FBXL7: variants seen among roughly 807,000 people sequenced by gnomAD.
The protein encoded by FBXL7 is F-box/LRR-repeat protein 7.
A neutral mutation model predicts 38.3 loss-of-function variants in FBXL7; 12 were observed. The observed-to-expected ratio is 0.31, with a 90% CI of 0.20 to 0.51. The LOEUF is 0.51. Ranked by LOEUF, FBXL7 falls within the 20% of genes least tolerant of loss-of-function variation. The pLI is 0.98. For missense variants in FBXL7, 567 were observed against 676.4 expected, an observed-to-expected ratio of 0.84 and a Z score of 1.79; for synonymous variants, 297 against 300.9, an observed-to-expected ratio of 0.99 and a Z score of 0.13.
intron 2 of FBXL7, among the ~76,000 whole-genome samples, chr5:15,683,397 A>T (rs1415383558): frequency 6.6e-6 from 1 of 152,058 alleles, no homozygotes. Context: ...GAGTCACCTA[A>T]CCCTGCTGGG....
intron 2 of FBXL7, among the ~76,000 whole-genome samples, chr5:15,906,621 G>A (rs1233483589): frequency 7.7e-6 from 1 of 130,692 alleles, no homozygotes; most frequent in Non-Finnish European, 1.6e-5. Context: ...ACCCACTAAT[G>A]TGTCATCTAG....
At chr5:15,661,796 C>A (rs1429887372) in intron 2 of FBXL7, among the ~76,000 whole-genome samples, 1 of 152,164 alleles carries the variant, frequency 6.6e-6, no homozygotes, top group Admixed American at 6.5e-5. Context: ...GATTTCTGTT[C>A]CTTCATTAGT....
chr5:15,800,731 A>G (rs1266972270), intron 2 of FBXL7, among the ~76,000 whole-genome samples: 2 of 152,228 alleles, frequency 1.3e-5, no homozygotes, highest in East Asian at 3.8e-4. Flanking sequence ...AGGTGCATAT[A>G]GACCACTGGA....
intron 2 of FBXL7, among the ~76,000 whole-genome samples, chr5:15,627,794 C>T (rs760628405): frequency 1.3e-5 from 2 of 152,146 alleles, no homozygotes; most frequent in Non-Finnish European, 2.9e-5. Context: ...CAGTCACGGA[C>T]ACAGTTTGAC....
At chr5:15,531,016 C>G (rs139032051) in intron 1 of FBXL7, among the ~76,000 whole-genome samples, 3 of 152,154 alleles carry the variant, frequency 2.0e-5, no homozygotes, top group African/African-American at 7.2e-5. Context: ...GTCTTAGGCA[C>G]AGATATGCCG....
chr5:15,898,601 A>G (rs1321056756), intron 2 of FBXL7, among the ~76,000 whole-genome samples: 2 of 152,234 alleles, frequency 1.3e-5, no homozygotes, highest in Non-Finnish European at 2.9e-5. Flanking sequence ...AGAAATGTGA[A>G]AAGTGCTTTT....
chr5:15,618,890 C>T (rs901068821), intron 2 of FBXL7, among the ~76,000 whole-genome samples: 4 of 152,082 alleles, frequency 2.6e-5, no homozygotes, highest in Non-Finnish European at 4.4e-5. Flanking sequence ...GAAACCGAGG[C>T]AAGTTTCAGA....
chr5:15,689,272 T>G (rs566780293), intron 2 of FBXL7, among the ~76,000 whole-genome samples: 64 of 152,058 alleles, frequency 4.2e-4, no homozygotes, highest in African/African-American at 1.5e-3. Context: ...TTTCAGTTTT[T>G]TTTTTTTTTT....
intron 2 of FBXL7, 90 bp from the exon 3 acceptor site, chr5:15,927,800 A>AT: frequency 7.2e-6 from 7 of 970,582 alleles, no homozygotes; most frequent in Non-Finnish European, 8.3e-6. Flanking sequence ...AGAAGAAAGA[A>AT]AAGAAAAGAA....
chr5:15,871,332 C>T (rs996891778), intron 2 of FBXL7, among the ~76,000 whole-genome samples: 1 of 151,132 alleles, frequency 6.6e-6, no homozygotes, highest in African/African-American at 2.4e-5. Flanking sequence ...GATAAATCCA[C>T]GAAGATGAGG....
chr5:15,666,799 C>A (rs1369841062), intron 2 of FBXL7, among the ~76,000 whole-genome samples: 2 of 152,144 alleles, frequency 1.3e-5, no homozygotes, highest in Non-Finnish European at 2.9e-5. Context: ...CCTCCGTTTT[C>A]AAATGGTGGC....
At chr5:15,574,198 G>T (rs938433528) in intron 1 of FBXL7, among the ~76,000 whole-genome samples, 7 of 152,278 alleles carry the variant, frequency 4.6e-5, no homozygotes, top group Middle Eastern at 3.4e-3. Flanking sequence ...CTTTATGAAT[G>T]AATAAACTCT....
chr5:15,523,076 C>CCA (rs1176341285), intron 1 of FBXL7, among the ~76,000 whole-genome samples: 1 of 152,200 alleles, frequency 6.6e-6, no homozygotes, highest in Non-Finnish European at 1.5e-5. Context: ...CCACATGTGA[C>CCA]CACCTGATGG....
chr5:15,602,053 A>G (rs1394191053), intron 1 of FBXL7: 1 of 152,260 alleles, frequency 6.6e-6, no homozygotes, highest in Non-Finnish European at 1.5e-5. Flanking sequence ...TTCTGCTGGC[A>G]CAAACCAACC....
chr5:15,724,889 G>T (rs922963444), intron 2 of FBXL7, among the ~76,000 whole-genome samples: 1 of 152,202 alleles, frequency 6.6e-6, no homozygotes, highest in Non-Finnish European at 1.5e-5. Flanking sequence ...GGTCATACAG[G>T]CTCTGTAGCG....
rs77638939 is a variant in FBXL7, at chr5:15,818,059, T to A, written c.128-109831T>A. On this transcript the variant is annotated intron_variant, in intron 2 of 3. Coordinates refer to ENST00000504595, the MANE Select transcript of FBXL7 (RefSeq NM_012304.5). ...AGTACAAGATGAATTTTGACCCATA[T>A]GTAAAATGTTAGTATCATATTAATC... Among the ~76,000 whole-genome samples the A allele has an allele frequency of 3.0e-3, 440 of 149,130 alleles. 6 individuals carry two copies. In the East Asian group the frequency reaches 0.062, roughly 21 times the overall value.
chr5:15,700,036 G>A (rs1037283899), intron 2 of FBXL7, among the ~76,000 whole-genome samples: 3 of 152,126 alleles, frequency 2.0e-5, no homozygotes, highest in Non-Finnish European at 2.9e-5. Flanking sequence ...TGCTTTTAAG[G>A]AAAACTAAAG....
chr5:15,813,687 G>C (rs1050973531), intron 2 of FBXL7, among the ~76,000 whole-genome samples: 10 of 151,820 alleles, frequency 6.6e-5, no homozygotes, highest in African/African-American at 2.4e-4. Context: ...TCTGACAAAG[G>C]GCTAATATCC....
At chr5:15,805,257 G>GC (rs1190227495) in intron 2 of FBXL7, among the ~76,000 whole-genome samples, 1 of 152,138 alleles carries the variant, frequency 6.6e-6, no homozygotes, top group African/African-American at 2.4e-5. Context: ...GCACAGTTCT[G>GC]CCCACAACAG....
Sources: allele counts gnomAD v4.1 joint callset (sites outside exome capture counted in the v4.1 genomes callset), GRCh38; gene constraint gnomAD v4.1.1; transcripts MANE v1.5; gene names NCBI Gene and HGNC (gene_info 2026-07-23, HGNC 2026-07-21).